The following ADAMTS20 variants were observed in gnomAD, a reference collection of about 807,000 sequenced individuals.
ADAMTS20 encodes A disintegrin and metalloproteinase with thrombospondin motifs 20.
In ADAMTS20, 225 loss-of-function variants were observed where a neutral mutation model predicts 260.1. That is an observed-to-expected ratio of 0.87 (90% CI 0.78 to 0.97). The LOEUF is 0.97. ADAMTS20 is among the 50% of genes least tolerant of loss of function. The pLI is 0.00. For missense variants in ADAMTS20, 2,400 were observed against 2,337.7 expected (o/e 1.03, Z -0.55); for synonymous variants, 802 against 769.5 (o/e 1.04, Z -0.70).
At chr12:43,512,765 A>C (rs558298676) in intron 3 of ADAMTS20, among the ~76,000 whole-genome samples, 133 of 152,330 alleles carry the variant, frequency 8.7e-4, no homozygotes, top group Non-Finnish European at 1.8e-3. Context: ...ACATAGAGAC[A>C]TGTGACACAG....
At chr12:43,371,356 T>C (rs903423775) in intron 36 of ADAMTS20, among the ~76,000 whole-genome samples, 3 of 152,198 alleles carry the variant, frequency 2.0e-5, no homozygotes, top group African/African-American at 7.2e-5. Context: ...ATTTACAATA[T>C]ATTTTGCATT....
intron 3 of ADAMTS20, among the ~76,000 whole-genome samples, chr12:43,526,318 C>T (rs541770315): frequency 2.0e-5 from 3 of 152,132 alleles, no homozygotes; most frequent in African/African-American, 4.8e-5. Context: ...ATTAGCCAGG[C>T]GTGGTGGCGG....
At chr12:43,504,646 T>G (rs2137452317) in intron 3 of ADAMTS20, among the ~76,000 whole-genome samples, 1 of 152,304 alleles carries the variant, frequency 6.6e-6, no homozygotes, top group South Asian at 2.1e-4. Context: ...ATTTGTTAAT[T>G]TAAAGGAAAT....
At chr12:43,436,703 C>T (rs770378174) in intron 18 of ADAMTS20, among the ~76,000 whole-genome samples, 1 of 152,076 alleles carries the variant, frequency 6.6e-6, no homozygotes, top group African/African-American at 2.4e-5. Flanking sequence ...GCTGGGAACA[C>T]ACTCTACTGA....
intron 11 of ADAMTS20, among the ~76,000 whole-genome samples, chr12:43,457,667 A>G (rs1482162921): frequency 5.3e-5 from 8 of 152,202 alleles, no homozygotes; most frequent in African/African-American, 1.9e-4. Flanking sequence ...CATCTGATAC[A>G]TTAGCTAGAA....
chr12:43,377,236 TG>T, intron 32 of ADAMTS20, 128 bp downstream of exon 32: 1 of 668,668 alleles, frequency 1.5e-6, no homozygotes, highest in Non-Finnish European at 2.4e-6. Flanking sequence ...TAACTGGTAA[TG>T]TGGATTTTAG....
intron 37 of ADAMTS20, among the ~76,000 whole-genome samples, chr12:43,359,057 C>G (rs1019291972): frequency 2.0e-5 from 3 of 152,132 alleles, no homozygotes; most frequent in African/African-American, 7.2e-5. Flanking sequence ...CTCACTGTCT[C>G]TCTCTCCATA....
chr12:43,407,655 C>T (rs1337057995), intron 28 of ADAMTS20, among the ~76,000 whole-genome samples: 2 of 151,860 alleles, frequency 1.3e-5, no homozygotes, highest in Admixed American at 6.6e-5. Context: ...ATTAGAAAAT[C>T]GGAACAAGAA....
At position 43,551,941 on chromosome 12, in the gene ADAMTS20, C is replaced by G; in HGVS notation, c.-20G>C. The stretch of plus-strand genomic sequence containing the variant: ...CCACATGGTTCCACCCTGGGGACCC[C>G]GATCGGGGAGGCCCACCAGAGCCGC... On this transcript the variant is annotated 5_prime_UTR_variant, in exon 1 of 39. Transcript: ENST00000389420. This position sits in a 1 kb window ranked among gnomAD's most constrained non-coding sequence, Gnocchi z 4.6. 1.2e-6 allele frequency: 2 copies of G among 1,610,822 alleles called. No individual in the cohort carries two copies. Among genetic ancestry groups the G allele is most frequent in the African/African-American group, 1.3e-5 (1 of 75,024 alleles).
chr12:43,393,645 G>C (rs1940641647), intron 29 of ADAMTS20, among the ~76,000 whole-genome samples: 1 of 151,900 alleles, frequency 6.6e-6, no homozygotes, highest in Non-Finnish European at 1.5e-5. Flanking sequence ...TTGAAGCCTT[G>C]TTTATAATTT....
chr12:43,387,366 T>C (rs1452648073), intron 29 of ADAMTS20, among the ~76,000 whole-genome samples: 1 of 152,176 alleles, frequency 6.6e-6, no homozygotes, highest in African/African-American at 2.4e-5. Flanking sequence ...CTGGAAGTTT[T>C]GTCCCAGAGG....
intron 28 of ADAMTS20, among the ~76,000 whole-genome samples, chr12:43,417,271 C>T (rs186950613): frequency 7.2e-5 from 11 of 152,328 alleles, no homozygotes; most frequent in Admixed American, 3.3e-4. Context: ...AATAGGATCA[C>T]TTTTCAGTTC....
intron 38 of ADAMTS20, 148 bp downstream of exon 38, chr12:43,356,336 T>A (rs184471129): frequency 2.0e-6 from 1 of 495,104 alleles, no homozygotes; most frequent in East Asian, 3.0e-5. Flanking sequence ...ATTAATGTTG[T>A]GCTCCATTAT....
At chr12:43,401,234 T>A (rs1940803515) in intron 28 of ADAMTS20, among the ~76,000 whole-genome samples, 1 of 151,928 alleles carries the variant, frequency 6.6e-6, no homozygotes, top group Non-Finnish European at 1.5e-5. Context: ...TGGACAAAGA[T>A]GAATGGTCTT....
chr12:43,395,609 A>AAAGAAGGTGTAAGCAGCC (rs1469884101), intron 29 of ADAMTS20, among the ~76,000 whole-genome samples: 1 of 151,814 alleles, frequency 6.6e-6, no homozygotes, highest in Non-Finnish European at 1.5e-5. Flanking sequence ...GATGGGTCTC[A>AAAGAAGGTGTAAGCAGCC]AAGAAGGTGT....
At chr12:43,405,373 AC>A (rs1223548445) in intron 28 of ADAMTS20, among the ~76,000 whole-genome samples, 1 of 147,302 alleles carries the variant, frequency 6.8e-6, no homozygotes, top group East Asian at 2.0e-4. Context: ...AGCCATGATC[AC>A]CCCACTGCAC....
At chr12:43,385,533 T>C (rs927815832) in intron 29 of ADAMTS20, among the ~76,000 whole-genome samples, 23 of 152,240 alleles carry the variant, frequency 1.5e-4, no homozygotes, top group African/African-American at 5.3e-4. Flanking sequence ...CATGCCTATG[T>C]CCTGAATGGT....
chr12:43,523,568 G>C (rs1021504978), intron 3 of ADAMTS20, among the ~76,000 whole-genome samples: 13 of 152,106 alleles, frequency 8.5e-5, no homozygotes, highest in Non-Finnish European at 1.6e-4. Context: ...AGCTTAGATG[G>C]CCTAAAATTT....
chr12:43,428,821 A>C, intron 24 of ADAMTS20, 22 bp from the exon 25 acceptor site: 2 of 1,583,426 alleles, frequency 1.3e-6, no homozygotes, highest in Non-Finnish European at 1.7e-6. Context: ...ATCAAATTGT[A>C]TCCGGGCATT....
Sources: gnomAD v4.1 joint callset for allele counts (sites outside exome capture counted in the v4.1 genomes callset) on GRCh38, gnomAD v4.1.1 for gene constraint, Gnocchi (gnomAD v3.1) non-coding constraint, MANE v1.5 for transcripts, NCBI Gene and HGNC (gene_info 2026-07-23, HGNC 2026-07-21) for gene names.